The following VPS13B variants were observed in gnomAD, a reference collection of about 807,000 sequenced individuals.
The protein encoded by VPS13B is vacuolar protein sorting 13 homolog B.
Under a neutral mutation model 426.4 loss-of-function variants are expected in VPS13B, and 285 were observed. The ratio of observed to expected loss-of-function variants is 0.67; its 90% CI spans 0.61 to 0.74. The LOEUF is 0.74. VPS13B is among the 30% of genes least tolerant of loss of function. The probability of loss-of-function intolerance (pLI) is 0.00; values close to 1 mark genes in which losing one functional copy is unlikely to be tolerated. For missense variants in VPS13B, 4,537 were observed against 4,782.6 expected (o/e 0.95, Z 1.51); for synonymous variants, 1,676 against 1,676.4 (o/e 1.00, Z 0.01).
chr8:99,234,543 C>T, intron 17 of VPS13B: 1 of 458,734 alleles, frequency 2.2e-6, no homozygotes, highest in Non-Finnish European at 4.3e-6. Context: ...GGCCGCAGGG[C>T]TGGGGTTCGG....
At chr8:99,519,480 C>G (rs7016477) in intron 29 of VPS13B, among the ~76,000 whole-genome samples, 26,474 of 152,064 alleles carry the variant, frequency 0.17, 2,832 homozygotes, top group East Asian at 0.38. Flanking sequence ...ATAAATTATG[C>G]TGCTATAAAG....
chr8:99,871,041 G>C (rs1817381790), intron 60 of VPS13B, 154 bp downstream of exon 60: 1 of 783,002 alleles, frequency 1.3e-6, no homozygotes. Flanking sequence ...CACTGTAGAG[G>C]GACAGGAAGA....
intron 39 of VPS13B, among the ~76,000 whole-genome samples, chr8:99,728,402 G>A (rs901246313): frequency 6.6e-6 from 1 of 152,196 alleles, no homozygotes; most frequent in African/African-American, 2.4e-5. Flanking sequence ...GATAATGTGT[G>A]TGGAGCATTT....
At position 99,233,514 on chromosome 8, in the gene VPS13B, A is replaced by T. The variant is rs1413379733; in HGVS notation, c.2515+40457A>T. ...TCTCCTGCTCTTGATAAGAATGCTG[A>T]TGCGGGAACGGGCCAAACTGGTGAT... On this transcript the variant is annotated intron_variant, in intron 17 of 61. Transcript: ENST00000357162. The T allele has an allele frequency of 5.6e-6, 7 of 1,252,660 alleles. No homozygotes were observed. In the African/African-American group the frequency reaches 1.0e-4, roughly 18 times the overall value. 77.6% of individuals were successfully genotyped at this position (1,252,660 alleles called of 1,614,324 possible).
chr8:99,487,108 GAA>G lies in VPS13B; in HGVS notation c.3870+5321_3870+5322del, dbSNP rs748801176. Among the ~76,000 whole-genome samples the G allele has an allele frequency of 1.1e-4, 8 of 75,532 alleles. No homozygotes were observed. The Admixed American group carries it at 1.1e-3, about 11-fold the overall frequency. The allele number at this position is 75,532 out of a possible 152,430, so 49.6% of individuals were successfully genotyped here. ...ACTGTTTCTCATTGACCGAAACCAA[GAA>G]AAAAAAAAAAAAAACAGAGGACCAG... On this transcript the variant is annotated intron_variant, in intron 25 of 61. Coordinates refer to ENST00000357162, the MANE Select transcript of VPS13B (RefSeq NM_152564.5).
intron 3 of VPS13B, among the ~76,000 whole-genome samples, chr8:99,053,102 C>G (rs925786443): frequency 1.3e-5 from 2 of 151,318 alleles, no homozygotes; most frequent in South Asian, 2.1e-4. Context: ...TCTTGCTTCT[C>G]TAGTTCTTTA....
intron 39 of VPS13B, among the ~76,000 whole-genome samples, chr8:99,730,148 T>C (rs1833533017): frequency 6.6e-6 from 1 of 152,232 alleles, no homozygotes; most frequent in South Asian, 2.1e-4. Flanking sequence ...TATAAGCACC[T>C]CCTGCCCACT....
In VPS13B at chr8:99,778,856, GA is replaced by G; in HGVS notation, c.7607del (p.Asn2536MetfsTer8). ...GCAGACTGTAAACTTCTAGAGTGCA[GA>G]AATGTCACTATGCAAAGTGTGGTGA... ...AQADCKLLEC[R>X]NVTMQSVVKP... On this transcript the variant is annotated frameshift_variant, in exon 42 of 62. Transcript: ENST00000357162. LOFTEE classifies it high-confidence loss of function. 6 of 1,614,070 alleles carry G rather than the reference GA, an allele frequency of 3.7e-6. No individual in the cohort carries two copies. Among genetic ancestry groups the G allele is most frequent in the Non-Finnish European group, 5.1e-6 (6 of 1,179,950 alleles).
At chr8:99,765,394 T>C (rs979642474) in intron 39 of VPS13B, among the ~76,000 whole-genome samples, 4 of 152,240 alleles carry the variant, frequency 2.6e-5, no homozygotes, top group Admixed American at 6.5e-5. Context: ...TTTTATCTTT[T>C]TGTGTTTACT....
chr8:99,486,664 A>G (rs555414271), intron 25 of VPS13B, among the ~76,000 whole-genome samples: 31 of 152,282 alleles, frequency 2.0e-4, no homozygotes, highest in African/African-American at 7.0e-4. Context: ...GGCTTTATGC[A>G]AAGAACTCCC....
intron 21 of VPS13B, among the ~76,000 whole-genome samples, chr8:99,407,616 C>T (rs966255074): frequency 1.4e-5 from 2 of 147,484 alleles, no homozygotes; most frequent in African/African-American, 5.0e-5. Context: ...CCAGCATTTT[C>T]CTTTATCTCA....
At chr8:99,156,496 A>C in intron 14 of VPS13B, 53 bp from the exon 15 acceptor site, 1 of 1,584,582 alleles carries the variant, frequency 6.3e-7, no homozygotes. Flanking sequence ...GGGAACTGCA[A>C]CTCAGTCACT....
chr8:99,122,994 G>T (rs1848020213), intron 8 of VPS13B, among the ~76,000 whole-genome samples: 1 of 151,768 alleles, frequency 6.6e-6, no homozygotes, highest in South Asian at 2.1e-4. Flanking sequence ...GGTGACGCAT[G>T]CCTGTAATCC....
intron 19 of VPS13B, among the ~76,000 whole-genome samples, chr8:99,380,716 G>GT (rs112213895): frequency 0.27 from 40,614 of 151,100 alleles, 6,003 homozygotes; most frequent in East Asian, 0.43. Context: ...TTATATATCA[G>GT]TTTCATAGGG....
chr8:99,251,197 A>G (rs965232300), intron 17 of VPS13B, among the ~76,000 whole-genome samples: 3 of 152,178 alleles, frequency 2.0e-5, no homozygotes, highest in Admixed American at 6.5e-5. Context: ...AATTCACAGC[A>G]TTAGGTTGAA....
chr8:99,601,036 C>T (rs935420099), intron 33 of VPS13B, among the ~76,000 whole-genome samples: 1 of 151,962 alleles, frequency 6.6e-6, no homozygotes, highest in Admixed American at 6.6e-5. Flanking sequence ...TTCTGGGATA[C>T]ATGTGCAGAA....
intron 39 of VPS13B, among the ~76,000 whole-genome samples, chr8:99,749,770 C>T (rs187774909): frequency 2.0e-5 from 3 of 152,110 alleles, no homozygotes; most frequent in Admixed American, 2.0e-4. Flanking sequence ...AGTAGCATTG[C>T]TGGATCATAT....
Position 99,442,304 on chromosome 8 carries a change from T to C in VPS13B, c.3211-97T>C, listed in dbSNP as rs1313535428. On this transcript the variant is annotated intron_variant, in intron 22 of 61. Transcript: ENST00000357162. ...GTCATAAAGACATAAATATGGAACA[T>C]TTACTTTTTTTGGTTGTTTATTCTG... 6.9e-6 allele frequency: 7 copies of C among 1,017,492 alleles called. No homozygotes were observed. In the East Asian group the frequency reaches 1.8e-4, roughly 26 times the overall value. 63.0% of individuals were successfully genotyped at this position (1,017,492 alleles called of 1,614,324 possible).
Position 99,156,629 on chromosome 8 carries a change from T to G in VPS13B, c.2094T>G (p.Ile698Met). Residue 698 changes from isoleucine to methionine, a missense_variant, in exon 15 of 62, where the codon ATT becomes ATG. Coordinates refer to ENST00000357162, the MANE Select transcript of VPS13B (RefSeq NM_152564.5). Reference sequence around the variant, plus strand: ...CCATTCGAATATTGGTGGATAAAATTAATCTGGAACATTCAGTGCCAATGT... The same window carrying G: ...CCATTCGAATATTGGTGGATAAAATGAATCTGGAACATTCAGTGCCAATGT... ...LPSIRILVDKINLEHSVPMYA... is the reference protein window; with the variant it reads ...LPSIRILVDKMNLEHSVPMYA... 6.2e-7 allele frequency: 1 copy of G among 1,614,128 alleles called. No individual in the cohort carries two copies. Among genetic ancestry groups the G allele is most frequent in the Non-Finnish European group, 8.5e-7 (1 of 1,179,938 alleles).
Sources: allele counts gnomAD v4.1 joint callset (sites outside exome capture counted in the v4.1 genomes callset), GRCh38; gene constraint gnomAD v4.1.1; transcripts MANE v1.5; gene names NCBI Gene and HGNC (gene_info 2026-07-23, HGNC 2026-07-21).